MGLL: variants seen among roughly 807,000 people sequenced by gnomAD.
MGLL encodes the protein lysophospholipase homolog.
A neutral mutation model predicts 29.1 loss-of-function variants in MGLL; 7 were observed. The ratio of observed to expected loss-of-function variants is 0.24; its 90% CI spans 0.14 to 0.45. The LOEUF (loss-of-function observed/expected upper bound fraction) is 0.45, where lower values mean the gene tolerates loss of function less well. Among genes scored for constraint, MGLL ranks in the 20% least tolerant of loss-of-function variants. MGLL has a pLI of 0.99. For synonymous variants in MGLL, 148 were observed against 168.3 expected (o/e 0.88, Z 0.93); for missense variants, 356 against 413.6 (o/e 0.86, Z 1.21).
At chr3:127,751,669 A>G (rs1222489449) in intron 3 of MGLL, among the ~76,000 whole-genome samples, 1 of 152,094 alleles carries the variant, frequency 6.6e-6, no homozygotes. Flanking sequence ...TGAAGCCGGT[A>G]AGTTTTGGGG....
At chr3:127,810,385 T>C (rs2077641033) in intron 2 of MGLL, among the ~76,000 whole-genome samples, 1 of 152,230 alleles carries the variant, frequency 6.6e-6, no homozygotes, top group Admixed American at 6.5e-5. Context: ...TGCCATGCAC[T>C]TCGGACTCCA....
chr3:127,751,730 T>C (rs2076562294), intron 3 of MGLL, among the ~76,000 whole-genome samples: 1 of 152,074 alleles, frequency 6.6e-6, no homozygotes, highest in East Asian at 1.9e-4. Flanking sequence ...CTGTCACAGA[T>C]GTACCTGGGC....
intron 3 of MGLL, among the ~76,000 whole-genome samples, chr3:127,732,957 G>C (rs1030460497): frequency 6.6e-6 from 1 of 152,116 alleles, no homozygotes; most frequent in Non-Finnish European, 1.5e-5. Context: ...GAGGGTGAGA[G>C]TGCCAGAGGC....
At chr3:127,777,023 G>A (rs1435906854) in intron 3 of MGLL, among the ~76,000 whole-genome samples, 1 of 152,132 alleles carries the variant, frequency 6.6e-6, no homozygotes, top group Non-Finnish European at 1.5e-5. Context: ...AAAAAGCTAT[G>A]CCCTTAGAGA....
chr3:127,806,698 T>C (rs888285986), intron 2 of MGLL, among the ~76,000 whole-genome samples: 1 of 151,920 alleles, frequency 6.6e-6, no homozygotes, highest in African/African-American at 2.4e-5. Context: ...AGTTGGTGGA[T>C]GGATGGGTGA....
chr3:127,802,687 C>G (rs898074025), intron 2 of MGLL, among the ~76,000 whole-genome samples: 1 of 152,200 alleles, frequency 6.6e-6, no homozygotes, highest in Non-Finnish European at 1.5e-5. Context: ...TTAACATGTG[C>G]GATCTCTTCA....
At chr3:127,702,372 C>T (rs1384422904) in intron 6 of MGLL, among the ~76,000 whole-genome samples, 3 of 152,194 alleles carry the variant, frequency 2.0e-5, no homozygotes, top group Admixed American at 1.3e-4. Context: ...TTCCCCGGCT[C>T]GATAGACCCA....
chr3:127,772,063 G>A (rs1159073551), intron 3 of MGLL, among the ~76,000 whole-genome samples: 4 of 152,206 alleles, frequency 2.6e-5, no homozygotes, highest in Non-Finnish European at 2.9e-5. Flanking sequence ...TGTCATGGGA[G>A]GAAGAAAGAA....
intron 7 of MGLL, 150 bp from the exon 8 acceptor site, chr3:127,692,473 G>A: frequency 1.1e-6 from 1 of 872,384 alleles, no homozygotes; most frequent in Non-Finnish European, 1.8e-6. Context: ...ATTATTAGGA[G>A]GCCAACACCT....
chr3:127,765,757 A>G (rs1054559787), intron 3 of MGLL, among the ~76,000 whole-genome samples: 17 of 152,254 alleles, frequency 1.1e-4, no homozygotes, highest in Non-Finnish European at 1.8e-4. Flanking sequence ...GAACGGCCGC[A>G]TGTGGCCGCA....
intron 2 of MGLL, among the ~76,000 whole-genome samples, chr3:127,805,426 C>T (rs1222649361): frequency 1.3e-5 from 2 of 152,118 alleles, no homozygotes; most frequent in Admixed American, 6.5e-5. Context: ...TCAGTGGGAG[C>T]GGGAGCTGAA....
intron 6 of MGLL, among the ~76,000 whole-genome samples, chr3:127,697,780 A>G (rs1477701855): frequency 1.3e-5 from 2 of 152,214 alleles, no homozygotes; most frequent in Non-Finnish European, 2.9e-5. Flanking sequence ...CCTGATGCCA[A>G]GAAGTCACCC....
intron 3 of MGLL, among the ~76,000 whole-genome samples, chr3:127,776,422 C>G (rs1403828054): frequency 6.6e-6 from 1 of 152,162 alleles, no homozygotes; most frequent in Non-Finnish European, 1.5e-5. Context: ...CCCCAGTAAT[C>G]CTGACAGTAG....
chr3:127,718,160 G>A lies in MGLL; in HGVS notation c.510+2893C>T, dbSNP rs572733157. On this transcript the variant is annotated intron_variant, in intron 5 of 7. Transcript: ENST00000265052. ...ATCTGGCGTTCTCACATTGCAGGGG[G>A]TGGGGGCTGGCCGTCTTCCACAGGC... is the stretch of plus-strand genomic sequence containing the variant. Among the ~76,000 whole-genome samples the A allele has an allele frequency of 4.0e-5, 6 of 151,896 alleles. No individual in the cohort carries two copies. The South Asian group carries it at 1.3e-3, about 32-fold the overall frequency.
chr3:127,737,630 CTTT>C lies in MGLL; in HGVS notation c.263-15067_263-15065del, dbSNP rs774965066. Among the ~76,000 whole-genome samples, 35 of 68,604 alleles carry C rather than the reference CTTT, an allele frequency of 5.1e-4. No homozygotes were observed. In the East Asian group the frequency reaches 6.1e-3, roughly 12 times the overall value. 45.0% of individuals were successfully genotyped at this position (68,604 alleles called of 152,430 possible). On this transcript the variant is annotated intron_variant, in intron 3 of 7. Transcript: ENST00000265052. The stretch of plus-strand genomic sequence containing the variant: ...GACACAGTGAAATCATCAACTGCTT[CTTT>C]TTTTTTTTTTTTTTTTTTTTTTTTT...
rs1331630350 is a variant in MGLL, at chr3:127,691,992, G to A, written c.*206C>T. The A allele has an allele frequency of 4.6e-6, 3 of 650,184 alleles. No homozygotes were observed. The highest frequency in any genetic ancestry group is 1.8e-5 in the African/African-American group (1 of 54,698). The allele number at this position is 650,184 out of a possible 1,614,324, so 40.3% of individuals were successfully genotyped here. On this transcript the variant is annotated 3_prime_UTR_variant, in exon 8 of 8. Coordinates refer to ENST00000265052, the MANE Select transcript of MGLL (RefSeq NM_007283.7). ...GGACCTTTCTCTTTTTTTGCATAAA[G>A]TGTCTAACCATTAAGGTAGGTCCAG... is the stretch of plus-strand genomic sequence containing the variant.
At chr3:127,821,862 C>T in intron 1 of MGLL, 24 bp from the exon 2 acceptor site, 1 of 1,609,664 alleles carries the variant, frequency 6.2e-7, no homozygotes, top group Non-Finnish European at 8.5e-7. Flanking sequence ...TGACATATTC[C>T]AAAGTCAGAA....
At chr3:127,789,756 AAAAG>A (rs2077270838) in intron 2 of MGLL, among the ~76,000 whole-genome samples, 1 of 152,110 alleles carries the variant, frequency 6.6e-6, no homozygotes, top group Non-Finnish European at 1.5e-5. Context: ...AGAAAGAAAG[AAAAG>A]AAAGAAAGAG....
At chr3:127,752,954 C>A (rs957445398) in intron 3 of MGLL, among the ~76,000 whole-genome samples, 1 of 152,164 alleles carries the variant, frequency 6.6e-6, no homozygotes, top group African/African-American at 2.4e-5. Flanking sequence ...TCCATTTAGT[C>A]ATTTTGTTGT....
Sources: allele counts gnomAD v4.1 joint callset (sites outside exome capture counted in the v4.1 genomes callset), GRCh38; gene constraint gnomAD v4.1.1; transcripts MANE v1.5; gene names NCBI Gene and HGNC (gene_info 2026-07-23, HGNC 2026-07-21).